Variants in KIRREL3 observed in about 807,000 individuals in gnomAD.
KIRREL3 encodes the protein kirre like nephrin family adhesion molecule 3, also known as kin of IRRE-like protein 3.
Under a neutral mutation model 89.7 loss-of-function variants are expected in KIRREL3, and 36 were observed. The ratio of observed to expected loss-of-function variants is 0.40; its 90% CI spans 0.31 to 0.53. The LOEUF is 0.53. Ranked by LOEUF, KIRREL3 falls within the 20% of genes least tolerant of loss-of-function variation. The pLI is 0.49. For synonymous variants in KIRREL3, 445 were observed against 441.4 expected, an observed-to-expected ratio of 1.01 and a Z score of -0.10; for missense variants, 864 against 1,056.6, an observed-to-expected ratio of 0.82 and a Z score of 2.53.
chr11:126,439,443 C>G (rs555729551), intron 11 of KIRREL3, among the ~76,000 whole-genome samples: 2 of 150,128 alleles, frequency 1.3e-5, no homozygotes, highest in African/African-American at 4.9e-5. Flanking sequence ...TGGGCTCAGT[C>G]GATCTTCCCA....
Position 126,430,599 on chromosome 11 carries a change from A to G in KIRREL3, c.1696+820T>C, listed in dbSNP as rs1388997979. On this transcript the variant is annotated intron_variant, in intron 14 of 16. Transcript: ENST00000525144. The surrounding 1 kb of genome is among the most constrained non-coding windows in gnomAD (Gnocchi z 6.6). ...CAAGGCTGCTTAGCTCGGAGTGCAGAAAATGCAAGGGGAACAGCTTTCTTC... is the reference window on the plus strand; with the variant it reads ...CAAGGCTGCTTAGCTCGGAGTGCAGGAAATGCAAGGGGAACAGCTTTCTTC... 1.3e-5 allele frequency among the ~76,000 whole-genome samples: 2 copies of G among 152,200 alleles called. No individual in the cohort carries two copies. The highest frequency in any genetic ancestry group is 2.9e-5 in the Non-Finnish European group (2 of 68,028).
In KIRREL3 at chr11:126,811,317, G is replaced by A. The variant is rs1425697036; in HGVS notation, c.55+189138C>T. On this transcript the variant is annotated intron_variant, in intron 1 of 16. Coordinates refer to ENST00000525144, the MANE Select transcript of KIRREL3 (RefSeq NM_032531.4). The surrounding 1 kb of genome is among the most constrained non-coding windows in gnomAD (Gnocchi z 4.3). ...AACTTTGACCCAGAACCGAGTGACT[G>A]TTATGGAGCTACGAGGTCCTTGTCT... Among the ~76,000 whole-genome samples the A allele has an allele frequency of 6.6e-6, 1 of 152,212 alleles. No individual in the cohort carries two copies. Among genetic ancestry groups the A allele is most frequent in the Non-Finnish European group, 1.5e-5 (1 of 68,036 alleles).
chr11:126,745,685 G>A (rs1408440237), intron 1 of KIRREL3, among the ~76,000 whole-genome samples: 1 of 152,208 alleles, frequency 6.6e-6, no homozygotes, highest in Non-Finnish European at 1.5e-5. Context: ...TCTAACCACT[G>A]AGCTTCACCC....
chr11:126,977,142 T>A lies in KIRREL3; in HGVS notation c.55+23313A>T, dbSNP rs544515209. Among the ~76,000 whole-genome samples the A allele has an allele frequency of 3.3e-5, 5 of 152,302 alleles. No homozygotes were observed. In the East Asian group the frequency reaches 9.6e-4, roughly 29 times the overall value. On this transcript the variant is annotated intron_variant, in intron 1 of 16. Coordinates refer to ENST00000525144, the MANE Select transcript of KIRREL3 (RefSeq NM_032531.4). This position sits in a 1 kb window ranked among gnomAD's most constrained non-coding sequence, Gnocchi z 4.7. ...TCTGCAGGCTTCAGCTCCTTCTGGG[T>A]CTTAGTGTCACTTGGCACCTTTGTT...
At chr11:126,448,133 A>C (rs1455503256) in intron 8 of KIRREL3, among the ~76,000 whole-genome samples, 1 of 151,944 alleles carries the variant, frequency 6.6e-6, no homozygotes, top group Non-Finnish European at 1.5e-5. Flanking sequence ...AAATACAAAA[A>C]TTATCTGGGT....
rs10609593 is a variant in KIRREL3, at chr11:126,490,200, T to TTGTGTG, written c.434-16740_434-16735dup. On this transcript the variant is annotated intron_variant, in intron 4 of 16. Transcript: ENST00000525144. This position sits in a 1 kb window ranked among gnomAD's most constrained non-coding sequence, Gnocchi z 4.2. ...TATTTGCATTTGGCTTTGGAATGCA[T>TTGTGTG]TGTGTGTGTGTGTGTGTGTGTGTGT... 2.5e-4 allele frequency among the ~76,000 whole-genome samples: 35 copies of TTGTGTG among 141,098 alleles called. No homozygotes were observed. Among genetic ancestry groups the TTGTGTG allele is most frequent in the African/African-American group, 7.6e-4 (28 of 36,830 alleles). 92.6% of individuals were successfully genotyped at this position (141,098 alleles called of 152,430 possible). A position where few individuals can be genotyped will look rare whatever the true frequency, so the allele number is the denominator to read the frequency against.
rs965722609 is a variant in KIRREL3 at position 126,724,355 on chromosome 11, A to T, written c.56-161443T>A. Among the ~76,000 whole-genome samples, 1 of 152,232 alleles carries T rather than the reference A, an allele frequency of 6.6e-6. No homozygotes were observed. The highest frequency in any genetic ancestry group is 1.9e-4 in the East Asian group (1 of 5,194). On this transcript the variant is annotated intron_variant, in intron 1 of 16. Coordinates refer to ENST00000525144, the MANE Select transcript of KIRREL3 (RefSeq NM_032531.4). The surrounding 1 kb of genome is among the most constrained non-coding windows in gnomAD (Gnocchi z 4.3). ...CCCCAACTAGTACACACGCAGATCC[A>T]TGCACACCCACACACATGCACATGC...
In KIRREL3 at chr11:126,498,118, A is replaced by G. The variant is rs2134357601; in HGVS notation, c.433+23197T>C. 6.6e-6 allele frequency among the ~76,000 whole-genome samples: 1 copy of G among 152,290 alleles called. No individual in the cohort carries two copies. Among genetic ancestry groups the G allele is most frequent in the South Asian group, 2.1e-4 (1 of 4,822 alleles). ...GCCAGTAAGCCTGCTTAGTAGCTCT[A>G]CTGCATCACACTGGTCTGGACCAAG... On this transcript the variant is annotated intron_variant, in intron 4 of 16. Transcript: ENST00000525144. This position sits in a 1 kb window ranked among gnomAD's most constrained non-coding sequence, Gnocchi z 4.3.
chr11:126,528,298 C>A lies in KIRREL3; in HGVS notation c.134-1611G>T, dbSNP rs1216380059. Among the ~76,000 whole-genome samples the A allele has an allele frequency of 2.0e-5, 3 of 152,212 alleles. No individual in the cohort carries two copies. The highest frequency in any genetic ancestry group is 2.1e-4 in the South Asian group (1 of 4,830). On this transcript the variant is annotated intron_variant, in intron 2 of 16. Coordinates refer to ENST00000525144, the MANE Select transcript of KIRREL3 (RefSeq NM_032531.4). This position sits in a 1 kb window ranked among gnomAD's most constrained non-coding sequence, Gnocchi z 4.6. ...CACTGGCTGCTGCCCATCTTGGGGACAAAAAGCCCCAGGCTTGGGCCACAC... is the reference window on the plus strand; with the variant it reads ...CACTGGCTGCTGCCCATCTTGGGGAAAAAAAGCCCCAGGCTTGGGCCACAC...
intron 1 of KIRREL3, among the ~76,000 whole-genome samples, chr11:126,707,787 C>A (rs1947593002): frequency 6.6e-6 from 1 of 152,078 alleles, no homozygotes; most frequent in Admixed American, 6.5e-5. Flanking sequence ...TAGAAAAATT[C>A]CTTCCCATAA....
intron 1 of KIRREL3, among the ~76,000 whole-genome samples, chr11:126,864,346 A>G (rs1236250489): frequency 6.6e-6 from 1 of 152,150 alleles, no homozygotes; most frequent in Non-Finnish European, 1.5e-5. Context: ...ATAAAGGAGC[A>G]TCTCCGCTCC....
At position 126,871,045 on chromosome 11, in the gene KIRREL3, A is replaced by G. The variant is rs56123039; in HGVS notation, c.55+129410T>C. ...GGAGCCAGGAGCAGACATCAAGAGC[A>G]TCCACGGAGCCTCTTTTGATGAAAG... is the stretch of plus-strand genomic sequence containing the variant. On this transcript the variant is annotated intron_variant, in intron 1 of 16. Transcript: ENST00000525144. 4.2e-3 allele frequency among the ~76,000 whole-genome samples: 643 copies of G among 152,328 alleles called. 5 individuals carry two copies. Among genetic ancestry groups the G allele is most frequent in the Non-Finnish European group, 7.6e-3 (515 of 68,028 alleles).
chr11:126,935,411 C>G (rs1392606644), intron 1 of KIRREL3: 1 of 152,034 alleles, frequency 6.6e-6, no homozygotes, highest in African/African-American at 2.4e-5. Flanking sequence ...TAGGTCCACA[C>G]AAAAACCTGC....
rs539517950 is a variant in KIRREL3, at chr11:126,796,438, C to T, written c.55+204017G>A. 8.5e-5 allele frequency among the ~76,000 whole-genome samples: 13 copies of T among 152,052 alleles called. No individual in the cohort carries two copies. Among genetic ancestry groups the T allele is most frequent in the Non-Finnish European group, 1.8e-4 (12 of 68,014 alleles). ...TGGAGGAAGGCTGAAGGAGGGGACG[C>T]GCAGTTGTGGGTAACTGGCCTTCAC... On this transcript the variant is annotated intron_variant, in intron 1 of 16. Coordinates refer to ENST00000525144, the MANE Select transcript of KIRREL3 (RefSeq NM_032531.4). The surrounding 1 kb of genome is among the most constrained non-coding windows in gnomAD (Gnocchi z 5.1).
rs978034584 is a variant in KIRREL3 at position 126,608,791 on chromosome 11, A to G, written c.56-45879T>C. Among the ~76,000 whole-genome samples the G allele has an allele frequency of 6.6e-6, 1 of 152,140 alleles. No individual in the cohort carries two copies. ...CTGCTAACTGGCACAGGTGACTTGC[A>G]TTTCCTGGGGCCTAACTGCTGGGAG... On this transcript the variant is annotated intron_variant, in intron 1 of 16. Coordinates refer to ENST00000525144, the MANE Select transcript of KIRREL3 (RefSeq NM_032531.4). The surrounding 1 kb of genome is among the most constrained non-coding windows in gnomAD (Gnocchi z 4.9).
At chr11:126,725,182 C>T (rs1039354935) in intron 1 of KIRREL3, among the ~76,000 whole-genome samples, 1 of 152,204 alleles carries the variant, frequency 6.6e-6, no homozygotes, top group Non-Finnish European at 1.5e-5. Flanking sequence ...CAGAAAGTCA[C>T]GTGACCCAGT....
rs1021601237 is a variant in KIRREL3, at chr11:126,918,371, T to C, written c.55+82084A>G. Among the ~76,000 whole-genome samples, 2 of 152,208 alleles carry C rather than the reference T, an allele frequency of 1.3e-5. No homozygotes were observed. Among genetic ancestry groups the C allele is most frequent in the Admixed American group, 6.5e-5 (1 of 15,282 alleles). On this transcript the variant is annotated intron_variant, in intron 1 of 16. Transcript: ENST00000525144. The surrounding 1 kb of genome is among the most constrained non-coding windows in gnomAD (Gnocchi z 6.5). ...CCCTGCATTTATTTTGGCAATTTGG[T>C]GCCGAATATTTACGACAGTGCTTTA...
intron 1 of KIRREL3, among the ~76,000 whole-genome samples, chr11:126,871,833 C>A (rs1230648894): frequency 6.6e-6 from 1 of 152,168 alleles, no homozygotes; most frequent in Non-Finnish European, 1.5e-5. Context: ...TTCATCAGGT[C>A]CTGAACACTG....
chr11:126,678,599 C>CAAAAAAAAAA lies in KIRREL3; in HGVS notation c.56-115697_56-115688dup. Among the ~76,000 whole-genome samples, 192 of 50,042 alleles carry CAAAAAAAAAA rather than the reference C, an allele frequency of 3.8e-3. 7 individuals carry two copies. Among genetic ancestry groups the CAAAAAAAAAA allele is most frequent in the Non-Finnish European group, 4.4e-3 (130 of 29,258 alleles). The allele number at this position is 50,042 out of a possible 152,430, so 32.8% of individuals were successfully genotyped here. A position where few individuals can be genotyped will look rare whatever the true frequency, so the allele number is the denominator to read the frequency against. On this transcript the variant is annotated intron_variant, in intron 1 of 16. Coordinates refer to ENST00000525144, the MANE Select transcript of KIRREL3 (RefSeq NM_032531.4). ...TGGGCGATAGAGCAAGACTCTGTCT[C>CAAAAAAAAAA]AAAAAAAAAAAAAAAAAAAAAAAAA... is the stretch of plus-strand genomic sequence containing the variant.
Sources: gnomAD v4.1 joint callset for allele counts (sites outside exome capture counted in the v4.1 genomes callset) on GRCh38, gnomAD v4.1.1 for gene constraint, Gnocchi (gnomAD v3.1) non-coding constraint, MANE v1.5 for transcripts, NCBI Gene and HGNC (gene_info 2026-07-23, HGNC 2026-07-21) for gene names.